The following COL14A1 variants were observed in gnomAD, a reference collection of about 807,000 sequenced individuals.
COL14A1 encodes the protein collagen alpha-1(XIV) chain.
In COL14A1, 136 loss-of-function variants were observed where a neutral mutation model predicts 230.3. The observed-to-expected ratio is 0.59, with a 90% confidence interval of 0.51 to 0.68. The LOEUF is 0.68. Among genes scored for constraint, COL14A1 ranks in the 30% least tolerant of loss-of-function variants. COL14A1 has a pLI of 0.00. For missense variants in COL14A1, 1,976 were observed against 2,215.8 expected, an observed-to-expected ratio of 0.89 and a Z score of 2.17; for synonymous variants, 792 against 784.1, an observed-to-expected ratio of 1.01 and a Z score of -0.17.
intron 5 of COL14A1, among the ~76,000 whole-genome samples, chr8:120,178,250 T>C (rs1816349976): frequency 6.6e-6 from 1 of 152,226 alleles, no homozygotes; most frequent in East Asian, 1.9e-4. Context: ...TGACAGGCCC[T>C]GGTGTGTGAT....
intron 26 of COL14A1, among the ~76,000 whole-genome samples, chr8:120,270,978 G>C (rs1819648792): frequency 6.6e-6 from 1 of 151,636 alleles, no homozygotes; most frequent in African/African-American, 2.4e-5. Context: ...TAACCTAAAT[G>C]CCCATCAATA....
intron 2 of COL14A1, 136 bp downstream of exon 2, chr8:120,148,066 A>G (rs1815155323): frequency 3.2e-6 from 2 of 632,934 alleles, no homozygotes. Flanking sequence ...GTAGAAATAT[A>G]CACATCTTTG....
intron 1 of COL14A1, among the ~76,000 whole-genome samples, chr8:120,146,693 AAATTTAACT>A (rs1815099587): frequency 6.6e-6 from 1 of 152,152 alleles, no homozygotes; most frequent in South Asian, 2.1e-4. Context: ...TCTCAAATTA[AAATTTAACT>A]ATAGTCCTGT....
Position 120,310,058 on chromosome 8 carries a change from CA to C in COL14A1, c.4454del (p.Lys1485ArgfsTer87), listed in dbSNP as rs772394461. 1 of 1,613,278 alleles carries C rather than the reference CA, an allele frequency of 6.2e-7. No homozygotes were observed. Among genetic ancestry groups the C allele is most frequent in the Admixed American group, 1.7e-5 (1 of 59,994 alleles). On this transcript the variant is annotated frameshift_variant, in exon 37 of 48. Coordinates refer to ENST00000297848, the MANE Select transcript of COL14A1 (RefSeq NM_021110.4). LOFTEE classifies it high-confidence loss of function. ...GPKGQQGEPG[P>X]KGPDGPRGEI... ...AAGGGCCAGCAAGGTGAACCGGGTC[CA>C]AAGGTAATGCGCATGTTTTCTCTCT... is the stretch of plus-strand genomic sequence containing the variant.
At chr8:120,139,516 T>A (rs1259241562) in intron 1 of COL14A1, among the ~76,000 whole-genome samples, 1 of 152,178 alleles carries the variant, frequency 6.6e-6, no homozygotes, top group Non-Finnish European at 1.5e-5. Context: ...TGCCTAAACT[T>A]TTTTGCCAAG....
chr8:120,278,906 T>G (rs10107257), intron 28 of COL14A1, among the ~76,000 whole-genome samples: 1 of 151,266 alleles, frequency 6.6e-6, no homozygotes, highest in African/African-American at 2.4e-5. Flanking sequence ...TACCCAAATG[T>G]CCATCGATGA....
chr8:120,303,516 T>C lies in COL14A1; in HGVS notation c.4401+2698T>C, dbSNP rs796242867. Among the ~76,000 whole-genome samples the C allele has an allele frequency of 1.6e-4, 25 of 152,296 alleles. 1 individual carries two copies. Among genetic ancestry groups the C allele is most frequent in the African/African-American group, 6.0e-4 (25 of 41,578 alleles). ...ATAATTACGTGGTTTTTGTCTTTGGTTCTGTTCGTGATGAATCACATTTAT... is the reference window on the plus strand; with the variant it reads ...ATAATTACGTGGTTTTTGTCTTTGGCTCTGTTCGTGATGAATCACATTTAT... On this transcript the variant is annotated intron_variant, in intron 36 of 47. Coordinates refer to ENST00000297848, the MANE Select transcript of COL14A1 (RefSeq NM_021110.4).
In COL14A1 at chr8:120,369,564, C is replaced by T. The variant is rs1484228473; in HGVS notation, c.5311+79C>T. The T allele has an allele frequency of 3.7e-6, 5 of 1,348,862 alleles. No homozygotes were observed. The African/African-American group carries it at 6.0e-5, about 16-fold the overall frequency. The allele number at this position is 1,348,862 out of a possible 1,614,324, so 83.6% of individuals were successfully genotyped here. A position where few individuals can be genotyped will look rare whatever the true frequency, so the allele number is the denominator to read the frequency against. ...TTAGTACCAAAATGGGAAGATAGTGCTATGAAAAAAGTTAAATTGGTTATG... is the reference window on the plus strand; with the variant it reads ...TTAGTACCAAAATGGGAAGATAGTGTTATGAAAAAAGTTAAATTGGTTATG... On this transcript the variant is annotated intron_variant, in intron 47 of 47. Coordinates refer to ENST00000297848, the MANE Select transcript of COL14A1 (RefSeq NM_021110.4).
chr8:120,134,130 T>G (rs1462142368), intron 1 of COL14A1, among the ~76,000 whole-genome samples: 1 of 152,014 alleles, frequency 6.6e-6, no homozygotes, highest in African/African-American at 2.4e-5. Flanking sequence ...ATATATTCTT[T>G]TTTGATGTAA....
In COL14A1 at chr8:120,337,271, T is replaced by C. The variant is rs149253936; in HGVS notation, c.4786-4054T>C. On this transcript the variant is annotated intron_variant, in intron 42 of 47. Coordinates refer to ENST00000297848, the MANE Select transcript of COL14A1 (RefSeq NM_021110.4). The stretch of plus-strand genomic sequence containing the variant: ...ATTAGCTGGGCGTGGTGGTGGGTGC[T>C]TGTAATCCCAGCTACTCAGGAAGCT... 3.6e-4 allele frequency among the ~76,000 whole-genome samples: 54 copies of C among 151,544 alleles called. No homozygotes were observed. The East Asian group carries it at 9.1e-3, about 26-fold the overall frequency.
chr8:120,262,475 A>G (rs994310050), intron 23 of COL14A1, among the ~76,000 whole-genome samples: 10 of 152,120 alleles, frequency 6.6e-5, no homozygotes, highest in Non-Finnish European at 1.3e-4. Flanking sequence ...CCATCTCAGA[A>G]AAAAAACAAA....
At chr8:120,284,407 A>G (rs752284892) in intron 32 of COL14A1, among the ~76,000 whole-genome samples, 1 of 152,226 alleles carries the variant, frequency 6.6e-6, no homozygotes, top group Non-Finnish European at 1.5e-5. Flanking sequence ...TGTACCATCA[A>G]CCTCAAGCTC....
At chr8:120,169,788 G>A (rs542447564) in intron 5 of COL14A1, among the ~76,000 whole-genome samples, 150 of 151,464 alleles carry the variant, frequency 9.9e-4, no homozygotes, top group Middle Eastern at 3.4e-3. Flanking sequence ...TGATGTATAG[G>A]TTTATATTTA....
At chr8:120,323,466 G>T (rs1208725197) in intron 40 of COL14A1, among the ~76,000 whole-genome samples, 1 of 151,982 alleles carries the variant, frequency 6.6e-6, no homozygotes, top group Admixed American at 6.6e-5. Flanking sequence ...ATTGCTTTTG[G>T]CATCTTTGTC....
At chr8:120,338,325 G>A (rs933192271) in intron 42 of COL14A1, among the ~76,000 whole-genome samples, 6 of 152,076 alleles carry the variant, frequency 3.9e-5, no homozygotes, top group African/African-American at 1.4e-4. Context: ...ACATGAGCTG[G>A]CAGAATTGCT....
intron 23 of COL14A1, among the ~76,000 whole-genome samples, chr8:120,256,955 C>T (rs1819172475): frequency 6.6e-6 from 1 of 152,108 alleles, no homozygotes; most frequent in Non-Finnish European, 1.5e-5. Context: ...TATATGTTGA[C>T]ACAACGATGT....
intron 38 of COL14A1, among the ~76,000 whole-genome samples, chr8:120,315,064 G>A (rs1821169156): frequency 6.6e-6 from 1 of 152,184 alleles, no homozygotes; most frequent in Non-Finnish European, 1.5e-5. Flanking sequence ...CATAACATAT[G>A]TGGAAAGTGA....
At chr8:120,291,656 TA>T (rs1204031103) in intron 34 of COL14A1, among the ~76,000 whole-genome samples, 1 of 151,672 alleles carries the variant, frequency 6.6e-6, no homozygotes, top group East Asian at 1.9e-4. Flanking sequence ...ATACTATTAT[TA>T]ATATTTTCTT....
intron 3 of COL14A1, among the ~76,000 whole-genome samples, chr8:120,158,891 T>C (rs1815568105): frequency 6.6e-6 from 1 of 152,190 alleles, no homozygotes; most frequent in Non-Finnish European, 1.5e-5. Context: ...TATATGAATA[T>C]AATAAGCTAA....
Sources: gnomAD v4.1 joint callset for allele counts (sites outside exome capture counted in the v4.1 genomes callset) on GRCh38, gnomAD v4.1.1 for gene constraint, MANE v1.5 for transcripts, NCBI Gene and HGNC (gene_info 2026-07-23, HGNC 2026-07-21) for gene names.